The following SPTLC3 variants were observed in gnomAD, a reference collection of about 807,000 sequenced individuals.
SPTLC3 encodes serine palmitoyltransferase 3.
A neutral mutation model predicts 59.3 loss-of-function variants in SPTLC3; 36 were observed. The ratio of observed to expected loss-of-function variants is 0.61; its 90% CI spans 0.47 to 0.80. The LOEUF is 0.80. Ranked by LOEUF, SPTLC3 falls within the 30% of genes least tolerant of loss-of-function variation. The pLI, the probability that SPTLC3 is intolerant of heterozygous loss-of-function variation, is 0.00. For missense variants in SPTLC3, 625 were observed against 685.1 expected (o/e 0.91, Z 0.98); for synonymous variants, 257 against 240.8 (o/e 1.07, Z -0.62).
At position 13,074,381 on chromosome 20, in the gene SPTLC3, A is replaced by T; in HGVS notation, c.491A>T (p.Asn164Ile). The T allele has an allele frequency of 6.2e-7, 1 of 1,614,124 alleles. No individual in the cohort carries two copies. The highest frequency in any genetic ancestry group is 8.5e-7 in the Non-Finnish European group (1 of 1,179,974). ...GGAAGAGTCATCAAAGATGTCATCA[A>T]CATGGGCTCCTATAACTTCCTTGGT... ...FTGRVIKDVINMGSYNFLGLA... is the reference protein window; with the variant it reads ...FTGRVIKDVIIMGSYNFLGLA... The change falls in exon 4 of 12, where the codon AAC becomes ATC. Residue 164 changes from asparagine to isoleucine, a missense_variant. Coordinates refer to ENST00000399002, the MANE Select transcript of SPTLC3 (RefSeq NM_018327.4).
chr20:13,027,922 T>C (rs550366530), intron 1 of SPTLC3, among the ~76,000 whole-genome samples: 1 of 152,238 alleles, frequency 6.6e-6, no homozygotes, highest in Non-Finnish European at 1.5e-5. Flanking sequence ...TTTTATATGA[T>C]GTATATTTCT....
chr20:13,093,556 A>G lies in SPTLC3; in HGVS notation c.805A>G (p.Ile269Val). The G allele has an allele frequency of 6.2e-7, 1 of 1,613,528 alleles. No homozygotes were observed. The highest frequency in any genetic ancestry group is 1.1e-5 in the South Asian group (1 of 91,074). ...VLGARLSGAT[I>V]RIFKHNNTQS... is the part of the protein sequence containing the mutation. ...TGGGGCCCGACTCTCAGGTGCAACC[A>G]TAAGAATCTTCAAACACAACAGTGA... Residue 269 changes from isoleucine to valine, a missense_variant, in exon 6 of 12, where the codon ATA becomes GTA. Transcript: ENST00000399002.
At chr20:13,075,032 C>G (rs1600254602) in intron 4 of SPTLC3, among the ~76,000 whole-genome samples, 1 of 152,096 alleles carries the variant, frequency 6.6e-6, no homozygotes, top group Non-Finnish European at 1.5e-5. Flanking sequence ...AGGAAACCCA[C>G]TCATCTTCAA....
chr20:13,025,329 G>A (rs1029602574), intron 1 of SPTLC3, among the ~76,000 whole-genome samples: 6 of 152,080 alleles, frequency 3.9e-5, no homozygotes, highest in African/African-American at 7.2e-5. Flanking sequence ...CTAATATCAC[G>A]TAACCTCACC....
At position 13,126,576 on chromosome 20, in the gene SPTLC3, C is replaced by G; in HGVS notation, c.1153-15C>G. 6.2e-7 allele frequency: 1 copy of G among 1,612,402 alleles called. No individual in the cohort carries two copies. Among genetic ancestry groups the G allele is most frequent in the Non-Finnish European group, 8.5e-7 (1 of 1,179,178 alleles). On this transcript the variant is annotated splice_polypyrimidine_tract_variant and intron_variant, in intron 8 of 11. Transcript: ENST00000399002. ...TTTATTTGCCTTCTTTTTGGGTTTCCCCTCTTTATTTAAGGACCTCGTGGA... is the reference window on the plus strand; with the variant it reads ...TTTATTTGCCTTCTTTTTGGGTTTCGCCTCTTTATTTAAGGACCTCGTGGA...
chr20:13,108,270 C>G (rs1238529037), intron 6 of SPTLC3, among the ~76,000 whole-genome samples: 1 of 152,224 alleles, frequency 6.6e-6, no homozygotes, highest in East Asian at 1.9e-4. Context: ...GAAACACACA[C>G]ACACAAATAT....
intron 1 of SPTLC3, among the ~76,000 whole-genome samples, chr20:13,045,273 T>A (rs1987182927): frequency 6.6e-6 from 1 of 152,094 alleles, no homozygotes; most frequent in African/African-American, 2.4e-5. Context: ...CTGTAGGCAA[T>A]GTGGCTCAGG....
intron 9 of SPTLC3, among the ~76,000 whole-genome samples, chr20:13,135,083 T>C (rs1219495679): frequency 6.6e-6 from 1 of 152,230 alleles, no homozygotes; most frequent in African/African-American, 2.4e-5. Flanking sequence ...TTCATTTTAT[T>C]GTTTGATTTG....
intron 8 of SPTLC3, among the ~76,000 whole-genome samples, chr20:13,119,943 C>T (rs1315535335): frequency 2.0e-5 from 3 of 152,220 alleles, no homozygotes; most frequent in Admixed American, 6.5e-5. Context: ...GGCTTCCTTT[C>T]GGCTTAATGA....
chr20:13,064,289 GT>G lies in SPTLC3; in HGVS notation c.304-7962del, dbSNP rs1568584882. Among the ~76,000 whole-genome samples the G allele has an allele frequency of 5.0e-4, 19 of 38,244 alleles. No homozygotes were observed. The South Asian group carries it at 0.013, about 25-fold the overall frequency. The allele number at this position is 38,244 out of a possible 152,430, so 25.1% of individuals were successfully genotyped here. On this transcript the variant is annotated intron_variant, in intron 2 of 11. Transcript: ENST00000399002. Reference sequence around the variant, plus strand: ...TCCTTTTCTTTTTTTTTTTTGTTTTGTTTTTGTTTTTGTTTTTGTTTTTGTT... The same window carrying G: ...TCCTTTTCTTTTTTTTTTTTGTTTTGTTTTGTTTTTGTTTTTGTTTTTGTT...
chr20:13,056,159 T>G (rs1298508643), intron 2 of SPTLC3, among the ~76,000 whole-genome samples: 3 of 152,162 alleles, frequency 2.0e-5, no homozygotes, highest in Non-Finnish European at 4.4e-5. Flanking sequence ...CAAGAACTGC[T>G]CGAACCGCCC....
At chr20:13,097,166 A>G (rs2122643844) in intron 6 of SPTLC3, among the ~76,000 whole-genome samples, 1 of 152,264 alleles carries the variant, frequency 6.6e-6, no homozygotes, top group South Asian at 2.1e-4. Flanking sequence ...TGGGAATTGC[A>G]TAAAATGGAT....
At chr20:13,028,434 C>T (rs1986265357) in intron 1 of SPTLC3, among the ~76,000 whole-genome samples, 1 of 151,986 alleles carries the variant, frequency 6.6e-6, no homozygotes. Flanking sequence ...TTCAAAAGAT[C>T]TAATAACCCC....
At chr20:13,048,871 G>T in intron 1 of SPTLC3, 74 bp from the exon 2 acceptor site, 9 of 1,326,824 alleles carry the variant, frequency 6.8e-6, no homozygotes. Context: ...AGGGTTGAAA[G>T]TTCACAATTT....
At chr20:13,056,574 G>A (rs191594563) in intron 2 of SPTLC3, among the ~76,000 whole-genome samples, 1 of 147,902 alleles carries the variant, frequency 6.8e-6, no homozygotes, top group African/African-American at 2.5e-5. Context: ...TCAGCTTCCC[G>A]AGTGGCTGGG....
intron 1 of SPTLC3, among the ~76,000 whole-genome samples, chr20:13,019,927 T>C (rs1985779446): frequency 2.0e-5 from 3 of 152,230 alleles, no homozygotes; most frequent in Admixed American, 1.3e-4. Context: ...AGCTGTTATA[T>C]ACTTTCTAAT....
chr20:13,059,491 C>G (rs1201936007), intron 2 of SPTLC3, among the ~76,000 whole-genome samples: 1 of 152,204 alleles, frequency 6.6e-6, no homozygotes, highest in Non-Finnish European at 1.5e-5. Context: ...AGCGCCATCC[C>G]TTGAAACCTC....
chr20:13,064,250 C>CT (rs936154591), intron 2 of SPTLC3, among the ~76,000 whole-genome samples: 6 of 93,454 alleles, frequency 6.4e-5, no homozygotes, highest in South Asian at 3.2e-4. Flanking sequence ...TTAAATAGTT[C>CT]TTTTTTTTCT....
At chr20:13,073,337 A>C (rs1988517025) in intron 3 of SPTLC3, among the ~76,000 whole-genome samples, 1 of 152,170 alleles carries the variant, frequency 6.6e-6, no homozygotes, top group Non-Finnish European at 1.5e-5. Context: ...ATTTCACTTA[A>C]TATAAAGGCC....
Sources: allele counts gnomAD v4.1 joint callset (sites outside exome capture counted in the v4.1 genomes callset), GRCh38; gene constraint gnomAD v4.1.1; transcripts MANE v1.5; gene names NCBI Gene and HGNC (gene_info 2026-07-23, HGNC 2026-07-21).